Variants in LRIT2 observed in about 807,000 individuals in gnomAD.
The protein encoded by LRIT2 is leucine rich repeat, Ig-like and transmembrane domains 2, also known as leucine-rich repeat, immunoglobulin-like domain and transmembrane domain-containing protein 2.
A neutral mutation model predicts 22.4 loss-of-function variants in LRIT2; 23 were observed. The observed-to-expected ratio is 1.03, with a 90% confidence interval of 0.74 to 1.45. The LOEUF is 1.45. LRIT2 is among the 40% of genes most tolerant of loss of function. LRIT2 has a pLI of 0.00. For synonymous variants in LRIT2, 291 were observed against 267.1 expected (o/e 1.09, Z -0.87); for missense variants, 784 against 665.6 (o/e 1.18, Z -1.96).
In LRIT2 at chr10:84,224,379, T is replaced by C. The variant is rs762786601; in HGVS notation, c.846A>G (p.Pro282=). The C allele has an allele frequency of 1.2e-6, 2 of 1,613,990 alleles. No individual in the cohort carries two copies. The highest frequency in any genetic ancestry group is 1.7e-6 in the Non-Finnish European group (2 of 1,180,042). The change falls in exon 2 of 3, where the codon CCA becomes CCG. Residue 282 remains proline (P), a synonymous_variant. Coordinates refer to ENST00000372113, the MANE Select transcript of LRIT2 (RefSeq NM_001017924.5). ...LRCLAQASPS[P]SIAWTYPLSM... The stretch of plus-strand genomic sequence containing the variant: ...TCAGGGGATAAGTCCATGCAATGGA[T>C]GGTGAGGGGCTGGCCTGTGCCAAGC...
chr10:84,224,989 C>T lies in LRIT2; in HGVS notation c.236G>A (p.Ser79Asn), dbSNP rs141547930. Reference sequence around the variant, plus strand: ...ATTGAGCCAGAGGTATTCCAAGGTGCTCATGTTGATGAAAGACCCTTGGGG... The same window carrying T: ...ATTGAGCCAGAGGTATTCCAAGGTGTTCATGTTGATGAAAGACCCTTGGGG... The part of the protein sequence containing the change: ...EMPQGSFINM[S>N]TLEYLWLNFN... The change falls in exon 2 of 3, where the codon AGC (serine) becomes AAC (asparagine). Residue 79 changes from serine to asparagine, a missense_variant. Transcript: ENST00000372113. 1.6e-4 allele frequency: 251 copies of T among 1,614,098 alleles called. No homozygotes were observed. In the African/African-American group the frequency reaches 3.1e-3, roughly 20 times the overall value.
chr10:84,221,788 G>T lies in LRIT2; in HGVS notation c.*132C>A. The T allele has an allele frequency of 1.4e-6, 1 of 740,686 alleles. No homozygotes were observed. Among genetic ancestry groups the T allele is most frequent in the Non-Finnish European group, 2.0e-6 (1 of 489,082 alleles). The allele number at this position is 740,686 out of a possible 1,614,324, so 45.9% of individuals were successfully genotyped here. A position where few individuals can be genotyped will look rare whatever the true frequency, so the allele number is the denominator to read the frequency against. ...TTCCCTTTTTACTCTTGAACCCCCT[G>T]TGTCAAGTTCAGTGCTTGGAACACA... On this transcript the variant is annotated 3_prime_UTR_variant, in exon 3 of 3. Transcript: ENST00000372113.
At position 84,224,942 on chromosome 10, in the gene LRIT2, G is replaced by A. The variant is rs373016794; in HGVS notation, c.283C>T (p.His95Tyr). 5 of 1,613,960 alleles carry A rather than the reference G, an allele frequency of 3.1e-6. No homozygotes were observed. In the African/African-American group the frequency reaches 6.7e-5, roughly 22 times the overall value. Reference sequence around the variant, plus strand: ...GGCAGGTGTTCCAGGGCTCCTAGGTGGATCACACTGATATTGTTAAAATTG... The same window carrying A: ...GGCAGGTGTTCCAGGGCTCCTAGGTAGATCACACTGATATTGTTAAAATTG... ...WLNFNNISVI[H>Y]LGALEHLPEL... Residue 95 changes from histidine to tyrosine, a missense_variant, in exon 2 of 3, where the codon CAC becomes TAC. Physicochemically the swap from His to Tyr is moderately conservative, Grantham distance 83. Coordinates refer to ENST00000372113, the MANE Select transcript of LRIT2 (RefSeq NM_001017924.5).
At chr10:84,225,166 T>C (rs1842552648) in intron 1 of LRIT2, 52 bp from the exon 2 acceptor site, 1 of 1,510,768 alleles carries the variant, frequency 6.6e-7, no homozygotes, top group South Asian at 1.3e-5. Context: ...GACTGAAAAG[T>C]GGGGTCAGGC....
In LRIT2 at chr10:84,225,053, T is replaced by C. The variant is rs146358368; in HGVS notation, c.172A>G (p.Lys58Glu). Residue 58 changes from lysine (K) to glutamate (E), a missense_variant, in exon 2 of 3, where the codon AAG becomes GAG. Transcript: ENST00000372113. ...GGTGAATTTTCAATTCTCACTTGCT[T>C]GAACTCTTCAGAAAGGTTCCCAGGG... ...KIPGNLSEEF[K>E]QVRIENSPLF... is the part of the protein sequence containing the mutation. 11 of 1,614,026 alleles carry C rather than the reference T, an allele frequency of 6.8e-6. No individual in the cohort carries two copies. In the Admixed American group the frequency reaches 1.5e-4, roughly 22 times the overall value.
At position 84,224,669 on chromosome 10, in the gene LRIT2, C is replaced by T. The variant is rs200605331; in HGVS notation, c.556G>A (p.Gly186Arg). 103 of 1,614,182 alleles carry T rather than the reference C, an allele frequency of 6.4e-5. No individual in the cohort carries two copies. The East Asian group carries it at 2.0e-3, about 31-fold the overall frequency. Residue 186 changes from glycine to arginine, a missense_variant, in exon 2 of 3, where the codon GGG becomes AGG. By Grantham distance (125) the Gly-to-Arg change is moderately radical (BLOSUM62 -2). Transcript: ENST00000372113. ...AYQKCRQPDC[G>R]AEILSSLVVA... ...ACCAGGCTGGAGAGAATCTCAGCCC[C>T]ACAGTCAGGCTGCCGGCATTTCTGG...
At chr10:84,225,341 T>C in intron 1 of LRIT2, 70 bp downstream of exon 1, 1 of 1,528,172 alleles carries the variant, frequency 6.5e-7, no homozygotes, top group Non-Finnish European at 8.9e-7. Context: ...TAAGCCTGCT[T>C]CCACTCCACA....
In LRIT2 at chr10:84,224,885, T is replaced by C; in HGVS notation, c.340A>G (p.Lys114Glu). 6.2e-7 allele frequency: 1 copy of C among 1,614,098 alleles called. No homozygotes were observed. The highest frequency in any genetic ancestry group is 8.5e-7 in the Non-Finnish European group (1 of 1,180,020). Residue 114 changes from lysine to glutamate, a missense_variant, in exon 2 of 3, where the codon AAG becomes GAG. Physicochemically the swap from Lys to Glu is moderately conservative, Grantham distance 56. Transcript: ENST00000372113. Reference protein sequence around the residue: ...ELRELRLEGNKLCSVPWTAFR... With the variant: ...ELRELRLEGNELCSVPWTAFR... ...GCTGTCCATGGTACTGAGCAGAGCT[T>C]GTTCCCCTCCAGTCTCAGCTCCCTC... is the stretch of plus-strand genomic sequence containing the variant.
chr10:84,224,253 T>A, intron 2 of LRIT2, 80 bp downstream of exon 2: 2 of 1,440,078 alleles, frequency 1.4e-6, no homozygotes, highest in Non-Finnish European at 1.9e-6. Flanking sequence ...GACCCAGCTT[T>A]GAATCTCTCT....
At position 84,222,455 on chromosome 10, in the gene LRIT2, T is replaced by C. The variant is rs774390091; in HGVS notation, c.1118A>G (p.Gln373Arg). The C allele has an allele frequency of 1.2e-6, 2 of 1,614,098 alleles. No individual in the cohort carries two copies. Among genetic ancestry groups the C allele is most frequent in the Admixed American group, 3.3e-5 (2 of 60,022 alleles). Residue 373 changes from glutamine (Q) to arginine (R), a missense_variant, in exon 3 of 3, where the codon CAG becomes CGG. Physicochemically the swap from Gln to Arg is conservative, Grantham distance 43. Coordinates refer to ENST00000372113, the MANE Select transcript of LRIT2 (RefSeq NM_001017924.5). ...CTCCAGCAAAATCCCATGCACTGTC[T>C]GCTTGACAACCCGCAGGTCAATGTA... ...NAYIDLRVVK[Q>R]TVHGILLEWL...
Position 84,222,117 on chromosome 10 carries a change from C to T in LRIT2, c.1456G>A (p.Ala486Thr), listed in dbSNP as rs757386251. The T allele has an allele frequency of 1.7e-5, 28 of 1,608,994 alleles. 1 individual carries two copies. In the South Asian group the frequency reaches 3.0e-4, roughly 17 times the overall value. The change falls in exon 3 of 3, where the codon GCC becomes ACC. Residue 486 changes from alanine to threonine, a missense_variant. By Grantham distance (58) the Ala-to-Thr change is moderately conservative. Transcript: ENST00000372113. ...AVPVGAYAWA[A>T]QGPCSCSKWV... ...TTGCTGCAGCTGCAGGGGCCCTGGG[C>T]TGCCCAGGCATAGGCGCCCACAGGC... is the stretch of plus-strand genomic sequence containing the variant.
chr10:84,224,232 C>A (rs568183847), intron 2 of LRIT2, 101 bp downstream of exon 2: 4 of 1,239,636 alleles, frequency 3.2e-6, no homozygotes, highest in African/African-American at 3.0e-5. Context: ...TTGCACCCAC[C>A]CTTCGTGACT....
rs758570988 is a variant in LRIT2, at chr10:84,222,072, G to A, written c.1501C>T (p.Leu501Phe). 5 of 1,610,716 alleles carry A rather than the reference G, an allele frequency of 3.1e-6. No individual in the cohort carries two copies. Among genetic ancestry groups the A allele is most frequent in the Non-Finnish European group, 4.2e-6 (5 of 1,178,162 alleles). The part of the protein sequence containing the change: ...SCSKWVLRGC[L>F]HRRKAPSCTP... Reference sequence around the variant, plus strand: ...CAGCTGGGGGCTTTCCTGCGATGAAGACAGCCGCGCAGGACCCACTTGCTG... The same window carrying A: ...CAGCTGGGGGCTTTCCTGCGATGAAAACAGCCGCGCAGGACCCACTTGCTG... The change falls in exon 3 of 3, where the codon CTT (leucine) becomes TTT (phenylalanine). Residue 501 changes from leucine to phenylalanine, a missense_variant. Coordinates refer to ENST00000372113, the MANE Select transcript of LRIT2 (RefSeq NM_001017924.5).
At position 84,221,916 on chromosome 10, in the gene LRIT2, T is replaced by A; in HGVS notation, c.*4A>T. ...AGCCGTTTCCACCCCATGGCCTGGG[T>A]TGTTCAGCTGTTGTCTTCCGTTCCT... On this transcript the variant is annotated 3_prime_UTR_variant, in exon 3 of 3. Transcript: ENST00000372113. 6.6e-7 allele frequency: 1 copy of A among 1,519,210 alleles called. No individual in the cohort carries two copies. 94.1% of individuals were successfully genotyped at this position (1,519,210 alleles called of 1,614,324 possible).
chr10:84,222,809 C>T lies in LRIT2; in HGVS notation c.893-129G>A, dbSNP rs1170747088. On this transcript the variant is annotated intron_variant, in intron 2 of 2. Coordinates refer to ENST00000372113, the MANE Select transcript of LRIT2 (RefSeq NM_001017924.5). ...TGTTGTTGTTAGAAGATGGTGGTAA[C>T]CTCTTATGAACCTCGTACCTGGTGT... 5.4e-6 allele frequency: 6 copies of T among 1,105,452 alleles called. No homozygotes were observed. The East Asian group carries it at 1.0e-4, about 19-fold the overall frequency. The allele number at this position is 1,105,452 out of a possible 1,614,324, so 68.5% of individuals were successfully genotyped here.
chr10:84,222,886 A>G (rs1245892248), intron 2 of LRIT2: 1 of 712,240 alleles, frequency 1.4e-6, no homozygotes, highest in Admixed American at 2.0e-5. Context: ...ATCTTTACAC[A>G]TAGGATATTG....
intron 2 of LRIT2, 176 bp from the exon 3 acceptor site, chr10:84,222,856 TC>T (rs1842526242): frequency 1.4e-6 from 1 of 732,946 alleles, no homozygotes; most frequent in African/African-American, 1.7e-5. Context: ...CTCCCAGCAA[TC>T]CTGTAAGATA....
chr10:84,223,370 T>C (rs1160660643), intron 2 of LRIT2, among the ~76,000 whole-genome samples: 2 of 152,116 alleles, frequency 1.3e-5, no homozygotes, highest in Non-Finnish European at 2.9e-5. Context: ...ACAACACCTG[T>C]ATGCATTTCT....
rs1564671632 is a variant in LRIT2, at chr10:84,222,676, C to CA, written c.896dup (p.Leu299PhefsTer26). ...CAGTGTCTTCTCCAGTAGAAGATGT[C>CA]AACACTGGGTGGAAAGAAAAACAAA... On this transcript the variant is annotated frameshift_variant, in exon 3 of 3. Transcript: ENST00000372113. LOFTEE classifies it low-confidence loss of function (END_TRUNC). 1 of 1,613,248 alleles carries CA rather than the reference C, an allele frequency of 6.2e-7. No homozygotes were observed. The highest frequency in any genetic ancestry group is 1.1e-5 in the South Asian group (1 of 91,044).
Sources: allele counts gnomAD v4.1 joint callset (sites outside exome capture counted in the v4.1 genomes callset), GRCh38; gene constraint gnomAD v4.1.1; transcripts MANE v1.5; gene names NCBI Gene and HGNC (gene_info 2026-07-23, HGNC 2026-07-21).